Variants in NME7 observed in about 807,000 individuals in gnomAD.
NME7 encodes NME/NM23 family member 7, also known as nucleoside diphosphate kinase 7.
Under a neutral mutation model 49.1 loss-of-function variants are expected in NME7, and 41 were observed. That is an observed-to-expected ratio of 0.83 (90% confidence interval 0.65 to 1.08). The LOEUF (loss-of-function observed/expected upper bound fraction) is 1.08. Ranked by LOEUF, NME7 falls within the 50% of genes least tolerant of loss-of-function variation. The pLI is 0.00. For missense variants in NME7, 423 were observed against 463.4 expected (o/e 0.91, Z 0.80); for synonymous variants, 139 against 150.6 (o/e 0.92, Z 0.56).
chr1:169,328,102 C>T (rs544401376), intron 1 of NME7, among the ~76,000 whole-genome samples: 1 of 152,254 alleles, frequency 6.6e-6, no homozygotes, highest in East Asian at 1.9e-4. Flanking sequence ...GCTGGTGCTA[C>T]TGCTGCTATC....
chr1:169,202,299 C>CT (rs34033983), intron 10 of NME7, among the ~76,000 whole-genome samples: 50,043 of 151,970 alleles, frequency 0.33, 8,525 homozygotes, highest in African/African-American at 0.42. Context: ...AGCTCTCACT[C>CT]TGAGTTCAAA....
At chr1:169,222,135 C>T (rs1010360276) in intron 10 of NME7, among the ~76,000 whole-genome samples, 4 of 152,184 alleles carry the variant, frequency 2.6e-5, no homozygotes, top group African/African-American at 9.6e-5. Flanking sequence ...CAAATCCTAT[C>T]TACACTTCCT....
chr1:169,139,113 A>T (rs181919364), intron 11 of NME7, among the ~76,000 whole-genome samples: 1 of 152,326 alleles, frequency 6.6e-6, no homozygotes, highest in African/African-American at 2.4e-5. Flanking sequence ...GAGTTTTCTC[A>T]TCTCAGTGTG....
rs114426084 is a variant in NME7, at chr1:169,232,341, T to A, written c.889-1522A>T. 1.8e-3 allele frequency among the ~76,000 whole-genome samples: 271 copies of A among 151,228 alleles called. 1 individual carries two copies. Among genetic ancestry groups the A allele is most frequent in the South Asian group, 6.5e-3 (31 of 4,740 alleles). ...CAACCATGTCAAGCTGTCTATTATA[T>A]GTGTAATTAGAATCTCAGAAGAGAA... is the stretch of plus-strand genomic sequence containing the variant. On this transcript the variant is annotated intron_variant, in intron 9 of 11. Transcript: ENST00000367811.
intron 11 of NME7, among the ~76,000 whole-genome samples, chr1:169,158,408 G>A (rs927149551): frequency 6.6e-6 from 1 of 151,864 alleles, no homozygotes; most frequent in African/African-American, 2.4e-5. Flanking sequence ...GCTCTTTAAG[G>A]TACCATACAA....
At chr1:169,236,144 CAT>C (rs1237791666) in intron 8 of NME7, among the ~76,000 whole-genome samples, 1 of 152,104 alleles carries the variant, frequency 6.6e-6, no homozygotes, top group Non-Finnish European at 1.5e-5. Flanking sequence ...CCAACATTCA[CAT>C]ATGTTTTGCT....
At chr1:169,281,535 T>G (rs1650014858) in intron 7 of NME7, among the ~76,000 whole-genome samples, 1 of 152,194 alleles carries the variant, frequency 6.6e-6, no homozygotes, top group Non-Finnish European at 1.5e-5. Flanking sequence ...TGTGCCGGTT[T>G]TCAAAGGGAA....
chr1:169,159,077 C>T (rs950366193), intron 11 of NME7, among the ~76,000 whole-genome samples: 20 of 152,136 alleles, frequency 1.3e-4, no homozygotes, highest in African/African-American at 4.1e-4. Context: ...TACTAAATCC[C>T]AGCAACAACA....
Position 169,287,112 on chromosome 1 carries a change from C to T in NME7, c.754+191G>A. On this transcript the variant is annotated intron_variant, in intron 7 of 11. Transcript: ENST00000367811. ...ACTCAAAGAACACCTCCTAAAAATCCACAAAGAAAAGACAAATAGAGATTT... is the reference window on the plus strand; with the variant it reads ...ACTCAAAGAACACCTCCTAAAAATCTACAAAGAAAAGACAAATAGAGATTT... 6.1e-6 allele frequency: 3 copies of T among 489,606 alleles called. 1 individual carries two copies. The highest frequency in any genetic ancestry group is 3.1e-5 in the South Asian group (1 of 32,100). The allele number at this position is 489,606 out of a possible 1,614,324, so 30.3% of individuals were successfully genotyped here.
At chr1:169,356,180 C>T (rs1653462735) in intron 1 of NME7, among the ~76,000 whole-genome samples, 1 of 152,128 alleles carries the variant, frequency 6.6e-6, no homozygotes, top group African/African-American at 2.4e-5. Context: ...TATCTTTTCT[C>T]TGTAAATACA....
intron 3 of NME7, among the ~76,000 whole-genome samples, chr1:169,315,413 G>A (rs1043605939): frequency 6.6e-6 from 1 of 151,804 alleles, no homozygotes; most frequent in Non-Finnish European, 1.5e-5. Flanking sequence ...ATAGGCACAC[G>A]CCTCCACGGC....
intron 10 of NME7, among the ~76,000 whole-genome samples, chr1:169,221,806 C>A (rs1661149001): frequency 6.6e-6 from 1 of 151,972 alleles, no homozygotes; most frequent in African/African-American, 2.4e-5. Flanking sequence ...CTCACTGCAG[C>A]CTTAACCTAT....
chr1:169,216,319 G>A (rs1466349223), intron 10 of NME7, among the ~76,000 whole-genome samples: 1 of 152,162 alleles, frequency 6.6e-6, no homozygotes, highest in African/African-American at 2.4e-5. Context: ...GAAGCTGAAG[G>A]TTAAAGCCAA....
intron 10 of NME7, among the ~76,000 whole-genome samples, chr1:169,199,332 C>G (rs918959554): frequency 6.6e-6 from 1 of 151,664 alleles, no homozygotes; most frequent in East Asian, 1.9e-4. Flanking sequence ...ATTATTATTA[C>G]AATTTTACAA....
intron 10 of NME7, among the ~76,000 whole-genome samples, chr1:169,182,731 A>G (rs914430549): frequency 6.6e-6 from 1 of 152,212 alleles, no homozygotes; most frequent in Non-Finnish European, 1.5e-5. Flanking sequence ...AATCCTCATG[A>G]AAGATTCATT....
At chr1:169,140,524 C>T (rs1055244951) in intron 11 of NME7, among the ~76,000 whole-genome samples, 4 of 151,982 alleles carry the variant, frequency 2.6e-5, no homozygotes, top group African/African-American at 9.7e-5. Context: ...ACATATGGCC[C>T]CATGTTCCCA....
rs763568706 is a variant in NME7 at position 169,324,517 on chromosome 1, A to G, written c.4-17T>C. The G allele has an allele frequency of 5.3e-6, 8 of 1,497,656 alleles. No homozygotes were observed. In the East Asian group the frequency reaches 1.8e-4, roughly 34 times the overall value. The allele number at this position is 1,497,656 out of a possible 1,614,324, so 92.8% of individuals were successfully genotyped here. ...ACTATGATTCTGCAAAGAAAGACAG[A>G]AGAATTTTAACACTAACATATAAAG... On this transcript the variant is annotated splice_polypyrimidine_tract_variant and intron_variant, in intron 1 of 11. Transcript: ENST00000367811.
At chr1:169,143,299 A>G (rs374300068) in intron 11 of NME7, among the ~76,000 whole-genome samples, 20 of 49,536 alleles carry the variant, frequency 4.0e-4, no homozygotes, top group Admixed American at 1.1e-3. Context: ...TTTGCATTTT[A>G]TATTTCTTCT....
chr1:169,247,551 T>C (rs1427218842), intron 7 of NME7, among the ~76,000 whole-genome samples: 2 of 152,146 alleles, frequency 1.3e-5, no homozygotes, highest in African/African-American at 4.8e-5. Flanking sequence ...AATTATATAG[T>C]GGTGAAGTCT....
Sources: allele counts gnomAD v4.1 joint callset (sites outside exome capture counted in the v4.1 genomes callset), GRCh38; gene constraint gnomAD v4.1.1; transcripts MANE v1.5; gene names NCBI Gene and HGNC (gene_info 2026-07-23, HGNC 2026-07-21).